The following ST3GAL5 variants were observed in gnomAD, a reference collection of about 807,000 sequenced individuals.
ST3GAL5 encodes lactosylceramide alpha-2,3-sialyltransferase.
In ST3GAL5, 25 loss-of-function variants were observed where a neutral mutation model predicts 46.1. The observed-to-expected ratio is 0.54, with a 90% CI of 0.40 to 0.76. The LOEUF (loss-of-function observed/expected upper bound fraction) is 0.76. Ranked by LOEUF, ST3GAL5 falls within the 30% of genes least tolerant of loss-of-function variation. The pLI, the probability that ST3GAL5 is intolerant of heterozygous loss-of-function variation, is 0.00. For missense variants in ST3GAL5, 431 were observed against 521.2 expected, an observed-to-expected ratio of 0.83 and a Z score of 1.69; for synonymous variants, 182 against 192.7, an observed-to-expected ratio of 0.94 and a Z score of 0.46.
intron 3 of ST3GAL5, among the ~76,000 whole-genome samples, chr2:85,857,924 G>C (rs1684318429): frequency 6.6e-6 from 1 of 152,136 alleles, no homozygotes; most frequent in Admixed American, 6.6e-5. Flanking sequence ...TCCTTAGAAT[G>C]CCACGTACTA....
Position 85,846,397 on chromosome 2 carries a change from T to C in ST3GAL5, c.829A>G (p.Met277Val). The C allele has an allele frequency of 1.9e-6, 3 of 1,614,130 alleles. No individual in the cohort carries two copies. Among genetic ancestry groups the C allele is most frequent in the South Asian group, 1.1e-5 (1 of 91,080 alleles). ...CTTACCAGGGTTTCCTTTTTTACCA[T>C]TGCTTGAAGCCAGTTGAAATCAACA... is the stretch of plus-strand genomic sequence containing the variant. ...KSVDFNWLQA[M>V]VKKETLPFWV... Residue 277 changes from methionine (M) to valine (V), a missense_variant, in exon 5 of 7, where the codon ATG (methionine) becomes GTG (valine). Coordinates refer to ENST00000638572, the MANE Select transcript of ST3GAL5 (RefSeq NM_003896.4).
intron 5 of ST3GAL5, chr2:85,844,956 G>A (rs1200630957): frequency 2.3e-5 from 6 of 255,392 alleles, no homozygotes; most frequent in East Asian, 1.9e-4. Context: ...CCATGAAGTC[G>A]TTTCATATAT....
chr2:85,864,805 G>C (rs1472109047), intron 1 of ST3GAL5, among the ~76,000 whole-genome samples: 1 of 152,168 alleles, frequency 6.6e-6, no homozygotes, highest in Admixed American at 6.5e-5. Context: ...GTGGGGCATA[G>C]TACCTCCCAG....
chr2:85,849,855 A>AGTGTGTGTGTGTGTGTGTGTGT (rs3046619), intron 3 of ST3GAL5: 8 of 147,248 alleles, frequency 5.4e-5, no homozygotes, highest in African/African-American at 2.0e-4. Context: ...CACAGGCAGA[A>AGTGTGTGTGTGTGTGTGTGTGT]GTGTGTGTGT....
chr2:85,883,221 C>CG (rs1269222502), intron 1 of ST3GAL5, among the ~76,000 whole-genome samples: 2 of 152,046 alleles, frequency 1.3e-5, no homozygotes, highest in African/African-American at 2.4e-5. Context: ...GGGAGGGACC[C>CG]GGGGGAGGTA....
chr2:85,861,450 T>C (rs1037456085), intron 2 of ST3GAL5, among the ~76,000 whole-genome samples, 158 bp from the exon 3 acceptor site: 19 of 152,180 alleles, frequency 1.2e-4, no homozygotes, highest in Admixed American at 1.2e-3. Context: ...GGCCATTTCC[T>C]ATTTTCCTGA....
At chr2:85,867,809 G>C in intron 1 of ST3GAL5, 1 of 650,580 alleles carries the variant, frequency 1.5e-6, no homozygotes, top group Non-Finnish European at 2.8e-6. Flanking sequence ...TTTGACCTAA[G>C]GGCAAGATTT....
At chr2:85,857,665 C>T (rs1380850169) in intron 3 of ST3GAL5, among the ~76,000 whole-genome samples, 1 of 151,936 alleles carries the variant, frequency 6.6e-6, no homozygotes, top group Non-Finnish European at 1.5e-5. Context: ...CTGGAGAGAT[C>T]AGTAGGAACC....
chr2:85,859,022 T>G (rs1434603666), intron 3 of ST3GAL5, among the ~76,000 whole-genome samples: 1 of 152,164 alleles, frequency 6.6e-6, no homozygotes. Context: ...AAGTTCAAAA[T>G]GATCACAGGC....
chr2:85,867,230 T>C (rs955002334), intron 1 of ST3GAL5, among the ~76,000 whole-genome samples: 2 of 152,212 alleles, frequency 1.3e-5, no homozygotes, highest in Non-Finnish European at 2.9e-5. Flanking sequence ...CCTTAAGATC[T>C]TGCTACACAG....
chr2:85,847,874 C>G lies in ST3GAL5; in HGVS notation c.649G>C (p.Asp217His), dbSNP rs767789131. 2 of 1,613,796 alleles carry G rather than the reference C, an allele frequency of 1.2e-6. No individual in the cohort carries two copies. Among genetic ancestry groups the G allele is most frequent in the Non-Finnish European group, 1.7e-6 (2 of 1,180,014 alleles). The change falls in exon 4 of 7, where the codon GAT (aspartate) becomes CAT (histidine). Residue 217 changes from aspartate to histidine, a missense_variant. Physicochemically the swap from Asp to His is moderately conservative, Grantham distance 81. Transcript: ENST00000638572. The part of the protein sequence containing the change: ...LELGHTLNQF[D>H]VVIRLNSAPV... ...AAACCAATGTACCTTATCACAACAT[C>G]GAACTGGTTCAGGGTGTGGCCCAGT...
chr2:85,840,165 T>C lies in ST3GAL5; in HGVS notation c.1236A>G (p.Gly412=), dbSNP rs771084393. 1 of 1,614,188 alleles carries C rather than the reference T, an allele frequency of 6.2e-7. No individual in the cohort carries two copies. The highest frequency in any genetic ancestry group is 8.5e-7 in the Non-Finnish European group (1 of 1,180,034). ...VKEGVVKDLS[G]GIDREF ...GTGTTCAAAATTCACGATCAATGCC[T>C]CCACTGAGATCTTTCACCACTCCCT... Residue 412 remains glycine, a synonymous_variant, in exon 7 of 7, where the codon GGA becomes GGG. Coordinates refer to ENST00000638572, the MANE Select transcript of ST3GAL5 (RefSeq NM_003896.4).
intron 3 of ST3GAL5, among the ~76,000 whole-genome samples, chr2:85,852,405 T>C (rs1424797551): frequency 6.6e-6 from 1 of 152,248 alleles, no homozygotes; most frequent in Admixed American, 6.5e-5. Context: ...TGGAGACTTG[T>C]ATGATATCAC....
chr2:85,886,389 C>T (rs936711016), intron 1 of ST3GAL5, among the ~76,000 whole-genome samples: 14 of 152,054 alleles, frequency 9.2e-5, no homozygotes, highest in South Asian at 6.2e-4. Flanking sequence ...TGGGGGAGGC[C>T]GCGACTGGAG....
intron 3 of ST3GAL5, chr2:85,856,405 G>A (rs1684114596): frequency 6.6e-6 from 1 of 152,170 alleles, no homozygotes; most frequent in African/African-American, 2.4e-5. Flanking sequence ...GTAGATTACT[G>A]GTTGCCTAGG....
chr2:85,888,991 G>C (rs1314558026), upstream of ST3GAL5: 1 of 1,049,896 alleles, frequency 9.5e-7, no homozygotes, highest in Admixed American at 4.6e-5. Context: ...CCATTCAGCT[G>C]GGGGCCGCCG....
intron 1 of ST3GAL5, among the ~76,000 whole-genome samples, chr2:85,886,771 T>C (rs922004299): frequency 6.6e-6 from 1 of 152,196 alleles, no homozygotes; most frequent in Non-Finnish European, 1.5e-5. Flanking sequence ...CCACTTTGGA[T>C]GCCTTTGCTA....
chr2:85,870,595 A>G (rs1204194131), intron 1 of ST3GAL5, among the ~76,000 whole-genome samples: 1 of 152,228 alleles, frequency 6.6e-6, no homozygotes, highest in Admixed American at 6.5e-5. Context: ...CACATATTAA[A>G]ATGTAACAGA....
intron 6 of ST3GAL5, 129 bp from the exon 7 acceptor site, chr2:85,840,521 A>C (rs1391483296): frequency 1.1e-6 from 1 of 941,298 alleles, no homozygotes; most frequent in African/African-American, 1.6e-5. Context: ...TACATCACAT[A>C]ATTTTATACA....
Sources: gnomAD v4.1 joint callset for allele counts (sites outside exome capture counted in the v4.1 genomes callset) on GRCh38, gnomAD v4.1.1 for gene constraint, MANE v1.5 for transcripts, NCBI Gene and HGNC (gene_info 2026-07-23, HGNC 2026-07-21) for gene names.